The following C3orf70 variants were observed in gnomAD, a reference collection of about 807,000 sequenced individuals.
C3orf70 encodes UPF0524 protein C3orf70.
C3orf70 carries 15 observed loss-of-function variants against 20.7 expected under a neutral mutation model. The ratio of observed to expected loss-of-function variants is 0.72; its 90% CI spans 0.48 to 1.11. The LOEUF (loss-of-function observed/expected upper bound fraction) is 1.11. Ranked by LOEUF, C3orf70 falls within the 50% of genes most tolerant of loss-of-function variation. The pLI, the probability that C3orf70 is intolerant of heterozygous loss-of-function variation, is 0.00. For synonymous variants in C3orf70, 161 were observed against 125.7 expected, an observed-to-expected ratio of 1.28 and a Z score of -1.88; for missense variants, 332 against 317.6, an observed-to-expected ratio of 1.05 and a Z score of -0.34.
At chr3:185,135,325 AG>A (rs1716600232) in intron 1 of C3orf70, among the ~76,000 whole-genome samples, 1 of 152,236 alleles carries the variant, frequency 6.6e-6, no homozygotes, top group Non-Finnish European at 1.5e-5. Context: ...AAAGACAAGA[AG>A]TATAAAGAAC....
intron 1 of C3orf70, among the ~76,000 whole-genome samples, chr3:185,117,464 G>A (rs1253597174): frequency 6.6e-6 from 1 of 151,682 alleles, no homozygotes; most frequent in African/African-American, 2.4e-5. Context: ...AAGAGAGAGA[G>A]AGAGAGAGAG....
intron 1 of C3orf70, among the ~76,000 whole-genome samples, chr3:185,121,966 G>A (rs1716306483): frequency 6.6e-6 from 1 of 152,134 alleles, no homozygotes; most frequent in Admixed American, 6.5e-5. Context: ...AGGCATGGTG[G>A]TGGGTGCCTG....
At chr3:185,096,013 G>C (rs1238057216) in intron 1 of C3orf70, among the ~76,000 whole-genome samples, 1 of 152,102 alleles carries the variant, frequency 6.6e-6, no homozygotes, top group African/African-American at 2.4e-5. Flanking sequence ...GGGATTACAG[G>C]CGTGAACCAC....
intron 1 of C3orf70, among the ~76,000 whole-genome samples, chr3:185,147,375 ACAGTGACCT>A (rs1716897616): frequency 6.6e-6 from 1 of 152,216 alleles, no homozygotes; most frequent in African/African-American, 2.4e-5. Flanking sequence ...CCTATCACAT[ACAGTGACCT>A]CTTTACAGTT....
chr3:185,098,540 T>A (rs1281680017), intron 1 of C3orf70, among the ~76,000 whole-genome samples: 2 of 152,232 alleles, frequency 1.3e-5, no homozygotes, highest in African/African-American at 4.8e-5. Context: ...ATCTATAGTT[T>A]TCCCATAAAA....
At chr3:185,123,045 G>C (rs1034220838) in intron 1 of C3orf70, among the ~76,000 whole-genome samples, 1 of 151,574 alleles carries the variant, frequency 6.6e-6, no homozygotes, top group East Asian at 1.9e-4. Flanking sequence ...AGGCATGGTG[G>C]CACACACCTG....
At chr3:185,105,848 A>G (rs1715924393) in intron 1 of C3orf70, among the ~76,000 whole-genome samples, 1 of 152,180 alleles carries the variant, frequency 6.6e-6, no homozygotes, top group Non-Finnish European at 1.5e-5. Context: ...GGGAGCTTGG[A>G]AGCGTCAGGG....
intron 1 of C3orf70, among the ~76,000 whole-genome samples, chr3:185,106,486 GA>G (rs1715944676): frequency 6.6e-6 from 1 of 152,028 alleles, no homozygotes; most frequent in Non-Finnish European, 1.5e-5. Context: ...CCAGTTGAGG[GA>G]AAAAAAGAAA....
rs115765585 is a variant in C3orf70 at position 185,124,689 on chromosome 3, G to A, written c.196+27939C>T. Among the ~76,000 whole-genome samples, 1,092 of 152,120 alleles carry A rather than the reference G, an allele frequency of 7.2e-3. 20 individuals carry two copies. The highest frequency in any genetic ancestry group is 0.025 in the African/African-American group (1,047 of 41,510). On this transcript the variant is annotated intron_variant, in intron 1 of 1. Transcript: ENST00000335012. ...CCGTTAAAAAAAAATGTTAAATTGA[G>A]CATCATTACAATGTAAAACTCCTCA...
chr3:185,078,243 T>G lies in C3orf70; in HGVS notation c.*4764A>C, dbSNP rs1408275412. 6.6e-6 allele frequency: 1 copy of G among 152,612 alleles called. No homozygotes were observed. The highest frequency in any genetic ancestry group is 1.5e-5 in the Non-Finnish European group (1 of 68,038). 9.5% of individuals were successfully genotyped at this position (152,612 alleles called of 1,614,324 possible). ...AGCAGAGTAAGTGAATATTGCCAGG[T>G]ATGAACAGCCTTAAAAAGTGAGGTG... On this transcript the variant is annotated 3_prime_UTR_variant, in exon 2 of 2. Transcript: ENST00000335012.
At chr3:185,108,636 CAT>C (rs1324841047) in intron 1 of C3orf70, among the ~76,000 whole-genome samples, 2 of 152,224 alleles carry the variant, frequency 1.3e-5, no homozygotes, top group Non-Finnish European at 2.9e-5. Context: ...CAATTTAACC[CAT>C]GTTAATGCCT....
intron 1 of C3orf70, among the ~76,000 whole-genome samples, chr3:185,116,108 G>A (rs1716168767): frequency 6.6e-6 from 1 of 152,222 alleles, no homozygotes; most frequent in Non-Finnish European, 1.5e-5. Context: ...AAGCCCATAT[G>A]CTAGCAAATA....
chr3:185,143,589 A>T (rs1716800242), intron 1 of C3orf70, among the ~76,000 whole-genome samples: 1 of 152,170 alleles, frequency 6.6e-6, no homozygotes, highest in Admixed American at 6.6e-5. Flanking sequence ...AAATACTCTT[A>T]AAATATCAGA....
Position 185,083,274 on chromosome 3 carries a change from G to A in C3orf70, c.486C>T (p.Val162=), listed in dbSNP as rs2108585549. The A allele has an allele frequency of 1.2e-6, 2 of 1,614,214 alleles. No individual in the cohort carries two copies. Among genetic ancestry groups the A allele is most frequent in the Non-Finnish European group, 8.5e-7 (1 of 1,180,046 alleles). The part of the protein sequence containing the change: ...PHSHRMSPEE[V]SAHDALISKE... Reference sequence around the variant, plus strand: ...TTGAAATTAAGGCATCGTGTGCAGAGACCTCCTCAGGGCTCATTCTGTGGG... The same window carrying A: ...TTGAAATTAAGGCATCGTGTGCAGAAACCTCCTCAGGGCTCATTCTGTGGG... Residue 162 remains valine (V), a synonymous_variant, in exon 2 of 2, where the codon GTC becomes GTT. Transcript: ENST00000335012.
At position 185,078,701 on chromosome 3, in the gene C3orf70, A is replaced by G. The variant is rs1202010430; in HGVS notation, c.*4306T>C. The G allele has an allele frequency of 6.6e-6, 1 of 152,220 alleles. No individual in the cohort carries two copies. The highest frequency in any genetic ancestry group is 1.9e-4 in the East Asian group (1 of 5,186). The allele number at this position is 152,220 out of a possible 1,614,324, so 9.4% of individuals were successfully genotyped here. On this transcript the variant is annotated 3_prime_UTR_variant, in exon 2 of 2. Transcript: ENST00000335012. ...TCCTCTGGAGAAGGGGACAGAAGAG[A>G]AAACTGTTAAAACTTTGTTTTCCTC...
intron 1 of C3orf70, among the ~76,000 whole-genome samples, chr3:185,146,810 C>G (rs548683705): frequency 1.3e-5 from 2 of 152,240 alleles, no homozygotes; most frequent in East Asian, 3.9e-4. Flanking sequence ...TGTATAGAAG[C>G]ACAAAAACAG....
At chr3:185,109,884 AG>A (rs1716027167) in intron 1 of C3orf70, among the ~76,000 whole-genome samples, 1 of 152,212 alleles carries the variant, frequency 6.6e-6, no homozygotes, top group Non-Finnish European at 1.5e-5. Context: ...GTACTTGTTT[AG>A]GAAGATTGCA....
chr3:185,083,525 G>C lies in C3orf70; in HGVS notation c.235C>G (p.Leu79Val). ...MYQPMTPVEQLPSTEIPARPR... is the reference protein window; with the variant it reads ...MYQPMTPVEQVPSTEIPARPR... ...CTGGCAGGAATCTCAGTGCTTGGAA[G>C]CTGTTCCACAGGGGTCATAGGCTGA... The change falls in exon 2 of 2, where the codon CTT (leucine) becomes GTT (valine). Residue 79 changes from leucine (L) to valine (V), a missense_variant. Leu to Val is a conservative substitution (Grantham distance 32, BLOSUM62 1). Transcript: ENST00000335012. 1.2e-6 allele frequency: 2 copies of C among 1,611,944 alleles called. No individual in the cohort carries two copies. The highest frequency in any genetic ancestry group is 1.7e-6 in the Non-Finnish European group (2 of 1,179,388).
intron 1 of C3orf70, among the ~76,000 whole-genome samples, chr3:185,138,939 A>G (rs1716684558): frequency 6.6e-6 from 1 of 152,090 alleles, no homozygotes; most frequent in Non-Finnish European, 1.5e-5. Flanking sequence ...GTGTCTACAA[A>G]AAAAGTTTTT....
Sources: gnomAD v4.1 joint callset for allele counts (sites outside exome capture counted in the v4.1 genomes callset) on GRCh38, gnomAD v4.1.1 for gene constraint, MANE v1.5 for transcripts, NCBI Gene and HGNC (gene_info 2026-07-23, HGNC 2026-07-21) for gene names.